The following KIAA0825 variants were observed in gnomAD, a reference collection of about 807,000 sequenced individuals.
The protein encoded by KIAA0825 is KIAA0825, also known as uncharacterized protein KIAA0825.
A neutral mutation model predicts 147.6 loss-of-function variants in KIAA0825; 119 were observed. That is an observed-to-expected ratio of 0.81 (90% CI 0.69 to 0.94). The LOEUF is 0.94. KIAA0825 is among the 40% of genes least tolerant of loss of function. The pLI is 0.00. For missense variants in KIAA0825, 1,381 were observed against 1,472.7 expected (o/e 0.94, Z 1.02); for synonymous variants, 470 against 518.1 (o/e 0.91, Z 1.26).
At chr5:94,455,189 A>AC (rs1306383004) in intron 12 of KIAA0825, among the ~76,000 whole-genome samples, 2 of 151,588 alleles carry the variant, frequency 1.3e-5, no homozygotes, top group African/African-American at 2.4e-5. Flanking sequence ...CTACCCCCCA[A>AC]CCCCCCGCCA....
intron 15 of KIAA0825, among the ~76,000 whole-genome samples, chr5:94,407,910 T>C (rs1443180188): frequency 6.6e-6 from 1 of 152,206 alleles, no homozygotes; most frequent in Non-Finnish European, 1.5e-5. Flanking sequence ...CATTTGTCAC[T>C]GATATCATAA....
intron 20 of KIAA0825, among the ~76,000 whole-genome samples, chr5:94,341,498 T>C (rs1782375921): frequency 6.6e-6 from 1 of 152,218 alleles, no homozygotes; most frequent in South Asian, 2.1e-4. Flanking sequence ...GAATTGATCA[T>C]TTGTCACAGC....
At chr5:94,501,201 T>A (rs1177788093) in intron 5 of KIAA0825, among the ~76,000 whole-genome samples, 1 of 152,268 alleles carries the variant, frequency 6.6e-6, no homozygotes, top group Non-Finnish European at 1.5e-5. Flanking sequence ...TATATATTGA[T>A]GTTTGGGAAC....
At chr5:94,326,673 G>A (rs1309647312) in intron 20 of KIAA0825, among the ~76,000 whole-genome samples, 2 of 152,122 alleles carry the variant, frequency 1.3e-5, no homozygotes, top group Admixed American at 1.3e-4. Flanking sequence ...ACACAATACT[G>A]GTATTCCTTA....
rs529298129 is a variant in KIAA0825, at chr5:94,496,663, C to T, written c.971-11733G>A. Among the ~76,000 whole-genome samples the T allele has an allele frequency of 4.6e-5, 7 of 152,230 alleles. No individual in the cohort carries two copies. In the South Asian group the frequency reaches 1.0e-3, roughly 23 times the overall value. ...TGGAATGTCTGCCACCAAGGGGCTG[C>T]AAAGTCATATTTGGAGTTTGAAGGC... On this transcript the variant is annotated intron_variant, in intron 5 of 20. Coordinates refer to ENST00000682413, the MANE Select transcript of KIAA0825 (RefSeq NM_001145678.3).
chr5:94,616,173 C>T (rs1456719171), intron 1 of KIAA0825, among the ~76,000 whole-genome samples: 1 of 152,166 alleles, frequency 6.6e-6, no homozygotes, highest in African/African-American at 2.4e-5. Flanking sequence ...CCTACGGGAT[C>T]TGCCTACAAG....
At chr5:94,476,738 AG>A in intron 7 of KIAA0825, among the ~76,000 whole-genome samples, 1 of 152,196 alleles carries the variant, frequency 6.6e-6, no homozygotes, top group East Asian at 1.9e-4. Flanking sequence ...AAACAATCAC[AG>A]GATGGGGATC....
intron 15 of KIAA0825, among the ~76,000 whole-genome samples, chr5:94,409,676 T>C (rs937549434): frequency 6.6e-6 from 1 of 152,160 alleles, no homozygotes; most frequent in African/African-American, 2.4e-5. Context: ...TCATACAAGA[T>C]TGGCAAAGTC....
chr5:94,419,064 TG>T (rs1038706945), intron 14 of KIAA0825, among the ~76,000 whole-genome samples: 1 of 152,000 alleles, frequency 6.6e-6, no homozygotes, highest in African/African-American at 2.4e-5. Context: ...ATTGTAGAGA[TG>T]GGGTCTTGCT....
At chr5:94,573,204 G>A (rs1390811606) in intron 2 of KIAA0825, among the ~76,000 whole-genome samples, 1 of 151,866 alleles carries the variant, frequency 6.6e-6, no homozygotes, top group Non-Finnish European at 1.5e-5. Context: ...TAAAGACCTG[G>A]GATTGATAGA....
At chr5:94,453,339 ATTTTTTTTTT>A (rs563316235) in intron 12 of KIAA0825, among the ~76,000 whole-genome samples, 2 of 118,212 alleles carry the variant, frequency 1.7e-5, no homozygotes, top group Admixed American at 1.8e-4. Context: ...CGTGTGGCTG[ATTTTTTTTTT>A]TTTTTTTTTT....
chr5:94,174,996 G>A (rs1209181141), intron 20 of KIAA0825, among the ~76,000 whole-genome samples: 1 of 152,054 alleles, frequency 6.6e-6, no homozygotes, highest in Non-Finnish European at 1.5e-5. Flanking sequence ...GATAGGCAGT[G>A]AAAAAAAGTC....
intron 14 of KIAA0825, among the ~76,000 whole-genome samples, chr5:94,431,642 C>T (rs1755681716): frequency 6.6e-6 from 1 of 152,072 alleles, no homozygotes; most frequent in African/African-American, 2.4e-5. Context: ...TAAACAGAGA[C>T]AAGAAATGGT....
At chr5:94,304,405 G>A (rs989254752) in intron 20 of KIAA0825, among the ~76,000 whole-genome samples, 1 of 152,016 alleles carries the variant, frequency 6.6e-6, no homozygotes, top group African/African-American at 2.4e-5. Flanking sequence ...GAATAATACG[G>A]CAGGTGAGGG....
chr5:94,257,037 A>T (rs572937045), intron 20 of KIAA0825, among the ~76,000 whole-genome samples: 13 of 152,254 alleles, frequency 8.5e-5, no homozygotes, highest in African/African-American at 2.9e-4. Context: ...TTTTCTTTCT[A>T]AAAAGAAAAA....
chr5:94,411,553 G>A (rs756295897), intron 15 of KIAA0825, among the ~76,000 whole-genome samples: 74 of 152,118 alleles, frequency 4.9e-4, no homozygotes, highest in Non-Finnish European at 8.7e-4. Flanking sequence ...AACTAAACAT[G>A]ACTAAAACTA....
chr5:94,508,615 A>G (rs2151152771), intron 5 of KIAA0825, among the ~76,000 whole-genome samples: 1 of 152,360 alleles, frequency 6.6e-6, no homozygotes, highest in Non-Finnish European at 1.5e-5. Flanking sequence ...AGTGCTGTTT[A>G]CAAAACAGAA....
intron 2 of KIAA0825, among the ~76,000 whole-genome samples, chr5:94,575,060 A>G (rs2152338457): frequency 6.6e-6 from 1 of 152,300 alleles, no homozygotes; most frequent in East Asian, 1.9e-4. Context: ...AGAGCAGAAA[A>G]ATCATGGATG....
chr5:94,400,165 T>C (rs1024503595), intron 16 of KIAA0825, among the ~76,000 whole-genome samples: 1 of 152,140 alleles, frequency 6.6e-6, no homozygotes, highest in Non-Finnish European at 1.5e-5. Context: ...TTGTTGAAAT[T>C]TGACTAACAA....
Sources: gnomAD v4.1 joint callset for allele counts (sites outside exome capture counted in the v4.1 genomes callset) on GRCh38, gnomAD v4.1.1 for gene constraint, MANE v1.5 for transcripts, NCBI Gene and HGNC (gene_info 2026-07-23, HGNC 2026-07-21) for gene names.